DNAH14: variants seen among roughly 807,000 people sequenced by gnomAD.
The protein encoded by DNAH14 is axonemal beta dynein heavy chain 14.
Under a neutral mutation model 520.9 loss-of-function variants are expected in DNAH14, and 478 were observed. The ratio of observed to expected loss-of-function variants is 0.92; its 90% CI spans 0.85 to 0.99. The LOEUF is 0.99. Among genes scored for constraint, DNAH14 ranks in the 50% least tolerant of loss-of-function variants. The pLI is 0.00. For missense variants in DNAH14, 4,831 were observed against 5,234.5 expected, an observed-to-expected ratio of 0.92 and a Z score of 2.38; for synonymous variants, 1,581 against 1,757.2, an observed-to-expected ratio of 0.90 and a Z score of 2.51.
chr1:224,949,759 A>G (rs1446480102), intron 1 of DNAH14, among the ~76,000 whole-genome samples: 2 of 152,286 alleles, frequency 1.3e-5, no homozygotes, highest in Admixed American at 1.3e-4. Flanking sequence ...ATATTTCTTC[A>G]AGACTTAATA....
At chr1:225,094,669 A>C (rs1296660081) in intron 21 of DNAH14, among the ~76,000 whole-genome samples, 4 of 100,518 alleles carry the variant, frequency 4.0e-5, no homozygotes, top group African/African-American at 1.1e-4. Context: ...AAAAAAAAAA[A>C]AAAAAAAAAC....
At chr1:225,182,346 A>T (rs1005477519) in intron 36 of DNAH14, among the ~76,000 whole-genome samples, 2 of 152,212 alleles carry the variant, frequency 1.3e-5, no homozygotes. Context: ...CTGGCACCTT[A>T]AAAAAATTCC....
chr1:225,128,866 G>A (rs2078065489), intron 27 of DNAH14, among the ~76,000 whole-genome samples: 1 of 149,988 alleles, frequency 6.7e-6, no homozygotes, highest in South Asian at 2.1e-4. Flanking sequence ...AGGAAAAGAA[G>A]AAGTCAAATT....
At chr1:224,972,116 A>G (rs1438305626) in intron 7 of DNAH14, among the ~76,000 whole-genome samples, 1 of 152,002 alleles carries the variant, frequency 6.6e-6, no homozygotes, top group Non-Finnish European at 1.5e-5. Context: ...TCAACTGCAG[A>G]TGGGACAAGA....
intron 41 of DNAH14, among the ~76,000 whole-genome samples, chr1:225,215,919 T>G (rs2149479631): frequency 6.6e-6 from 1 of 152,338 alleles, no homozygotes; most frequent in African/African-American, 2.4e-5. Context: ...TTGTTATGTG[T>G]GAATTTGATC....
At chr1:225,390,396 A>G (rs1009971567) in intron 83 of DNAH14, among the ~76,000 whole-genome samples, 1 of 152,130 alleles carries the variant, frequency 6.6e-6, no homozygotes, top group Non-Finnish European at 1.5e-5. Context: ...AGAGAGTTGT[A>G]AAGGGGTGAC....
rs542249759 is a variant in DNAH14, at chr1:225,170,838, A to G, written c.5535+2810A>G. Among the ~76,000 whole-genome samples, 386 of 152,324 alleles carry G rather than the reference A, an allele frequency of 2.5e-3. 2 individuals are homozygous for G. The highest frequency in any genetic ancestry group is 3.6e-3 in the Non-Finnish European group (246 of 68,030). On this transcript the variant is annotated intron_variant, in intron 36 of 85. Transcript: ENST00000682510. ...TACATTCTTCTCAGCACCACACCGC[A>G]CTTATTCCAACATTGACCACTTAGT...
intron 46 of DNAH14, among the ~76,000 whole-genome samples, chr1:225,263,869 G>T (rs2093022866): frequency 6.6e-6 from 1 of 151,972 alleles, no homozygotes. Flanking sequence ...AAGATGAATG[G>T]GTCTTTGCTG....
chr1:225,271,972 A>T lies in DNAH14; in HGVS notation c.7738A>T (p.Ile2580Leu). The T allele has an allele frequency of 1.3e-6, 2 of 1,550,728 alleles. No individual in the cohort carries two copies. The highest frequency in any genetic ancestry group is 8.7e-7 in the Non-Finnish European group (1 of 1,146,564). ...TGAAGTTCAGAAAAGTAAGGATCAG[A>T]TAATATCTTGTTCCCTAGCTATATA... ...TPEVQKSKDQ[I>L]ISCSLAIYHQ... Residue 2580 changes from isoleucine (I) to leucine (L), a missense_variant, in exon 51 of 86, where the codon ATA becomes TTA. Transcript: ENST00000682510.
At chr1:225,195,094 G>A (rs2085951854) in intron 38 of DNAH14, among the ~76,000 whole-genome samples, 1 of 152,154 alleles carries the variant, frequency 6.6e-6, no homozygotes, top group Admixed American at 6.6e-5. Context: ...GGAAAGCACA[G>A]TGATTTGGTG....
chr1:225,112,711 C>G (rs1044692202), intron 23 of DNAH14, among the ~76,000 whole-genome samples: 3 of 151,796 alleles, frequency 2.0e-5, no homozygotes, highest in Non-Finnish European at 4.4e-5. Flanking sequence ...TTTCAAATAG[C>G]CTGTCTTCAA....
In DNAH14 at chr1:225,381,468, T is replaced by G; in HGVS notation, c.12966T>G (p.His4322Gln). 6.5e-7 allele frequency: 1 copy of G among 1,550,298 alleles called. No homozygotes were observed. The highest frequency in any genetic ancestry group is 8.7e-7 in the Non-Finnish European group (1 of 1,146,616). ...TTGATAAGTTATTATTTGTCATACATAAATCCTTAAAAGATCTTCAGCTTG... is the reference window on the plus strand; with the variant it reads ...TTGATAAGTTATTATTTGTCATACAGAAATCCTTAAAAGATCTTCAGCTTG... ...KRFDKLLFVI[H>Q]KSLKDLQLAI... The change falls in exon 81 of 86, where the codon CAT becomes CAG. Residue 4322 changes from histidine (H) to glutamine (Q), a missense_variant. By Grantham distance (24) the His-to-Gln change is conservative (BLOSUM62 0). Transcript: ENST00000682510.
chr1:225,202,741 G>C (rs1391003775), intron 38 of DNAH14, among the ~76,000 whole-genome samples: 1 of 152,154 alleles, frequency 6.6e-6, no homozygotes, highest in Admixed American at 6.6e-5. Context: ...TTACAAAGTT[G>C]AGCTAGAGGT....
Position 225,207,109 on chromosome 1 carries a change from C to G in DNAH14, c.6328C>G (p.Arg2110Gly), listed in dbSNP as rs1052884266. The change falls in exon 41 of 86, where the codon CGT (arginine) becomes GGT (glycine). Residue 2110 changes from arginine (R) to glycine (G), a missense_variant. Physicochemically the swap from Arg to Gly is moderately radical, Grantham distance 125. Transcript: ENST00000682510. ...VTDGLQFIRN[R>G]QKFQPYPMED... ...AGACGGACTACAATTTATAAGGAAT[C>G]GTCAGAAATTTCAGCCATATCCTAT... 1.3e-6 allele frequency: 2 copies of G among 1,550,854 alleles called. No individual in the cohort carries two copies. The highest frequency in any genetic ancestry group is 1.7e-6 in the Non-Finnish European group (2 of 1,146,548).
intron 25 of DNAH14, among the ~76,000 whole-genome samples, chr1:225,118,886 C>CAAAAAA (rs35262847): frequency 4.0e-5 from 3 of 74,588 alleles, no homozygotes; most frequent in Non-Finnish European, 6.2e-5. Context: ...CTCTCTGTCT[C>CAAAAAA]AAAAAAAAAA....
intron 77 of DNAH14, 42 bp downstream of exon 77, chr1:225,368,074 T>C: frequency 6.8e-7 from 1 of 1,464,604 alleles, no homozygotes; most frequent in Non-Finnish European, 9.2e-7. Context: ...TAAGTAACAA[T>C]AAGATACAAA....
At chr1:225,021,165 A>G (rs932326193) in intron 10 of DNAH14, among the ~76,000 whole-genome samples, 2 of 152,236 alleles carry the variant, frequency 1.3e-5, no homozygotes, top group African/African-American at 2.4e-5. Context: ...AATCAGAGCC[A>G]TATATGGCAA....
At chr1:225,283,144 A>G (rs959929659) in intron 54 of DNAH14, among the ~76,000 whole-genome samples, 6 of 151,758 alleles carry the variant, frequency 4.0e-5, no homozygotes, top group African/African-American at 9.7e-5. Context: ...AAACAAAGGG[A>G]AAAAAAATGA....
At chr1:225,192,559 C>T (rs894275785) in intron 37 of DNAH14, 137 bp from the exon 38 acceptor site, 1 of 564,748 alleles carries the variant, frequency 1.8e-6, no homozygotes, top group Non-Finnish European at 3.1e-6. Context: ...CTGTTCCTTG[C>T]AACTTGCTAC....
Sources: allele counts gnomAD v4.1 joint callset (sites outside exome capture counted in the v4.1 genomes callset), GRCh38; gene constraint gnomAD v4.1.1; transcripts MANE v1.5; gene names NCBI Gene and HGNC (gene_info 2026-07-23, HGNC 2026-07-21).